The following STT3B variants were observed in gnomAD, a reference collection of about 807,000 sequenced individuals.
STT3B encodes the protein dolichyl-diphosphooligosaccharide--protein glycosyltransferase subunit STT3B.
In STT3B, 29 loss-of-function variants were observed where a neutral mutation model predicts 96.8. That is an observed-to-expected ratio of 0.30 (90% CI 0.22 to 0.41). STT3B has a LOEUF of 0.41. STT3B is among the 10% of genes least tolerant of loss of function. The pLI is 1.00. For missense variants in STT3B, 640 were observed against 1,022.3 expected (o/e 0.63, Z 5.10); for synonymous variants, 367 against 360.0 (o/e 1.02, Z -0.22).
In STT3B at chr3:31,625,032, A is replaced by G; in HGVS notation, c.1846A>G (p.Asn616Asp). ...DYGYQIAGMA[N>D]RTTLVDNNTW... ...TGGCTATCAGATAGCTGGAATGGCTAATAGAACTACGTTGGTGGATAATAA... is the reference window on the plus strand; with the variant it reads ...TGGCTATCAGATAGCTGGAATGGCTGATAGAACTACGTTGGTGGATAATAA... The change falls in exon 12 of 16, where the codon AAT becomes GAT. Residue 616 changes from asparagine (N) to aspartate (D), a missense_variant. Physicochemically the swap from Asn to Asp is conservative, Grantham distance 23. Transcript: ENST00000295770. 6.2e-7 allele frequency: 1 copy of G among 1,613,936 alleles called. No individual in the cohort carries two copies. Among genetic ancestry groups the G allele is most frequent in the Non-Finnish European group, 8.5e-7 (1 of 1,179,916 alleles).
chr3:31,621,604 T>A (rs1328779727), intron 9 of STT3B, among the ~76,000 whole-genome samples: 3 of 152,274 alleles, frequency 2.0e-5, no homozygotes, highest in East Asian at 1.9e-4. Flanking sequence ...GTTTCAAAAA[T>A]TTTTTTTAAG....
chr3:31,605,787 C>T (rs1162794057), intron 5 of STT3B, among the ~76,000 whole-genome samples: 2 of 152,094 alleles, frequency 1.3e-5, no homozygotes, highest in East Asian at 1.9e-4. Flanking sequence ...TGTGGAAGCA[C>T]CTTTGGAACT....
chr3:31,596,719 T>C (rs1698800227), intron 3 of STT3B, 79 bp from the exon 4 acceptor site: 1 of 1,113,126 alleles, frequency 9.0e-7, no homozygotes, highest in African/African-American at 1.6e-5. Flanking sequence ...AGCCTGTGGT[T>C]ACCAAACATT....
At chr3:31,633,565 G>T (rs1187782004) in intron 15 of STT3B, among the ~76,000 whole-genome samples, 2 of 152,062 alleles carry the variant, frequency 1.3e-5, no homozygotes, top group Non-Finnish European at 2.9e-5. Flanking sequence ...ATAGGTTTGG[G>T]TTGGGTGAGT....
intron 15 of STT3B, 158 bp downstream of exon 15, chr3:31,633,305 G>A: frequency 1.5e-6 from 1 of 685,948 alleles, no homozygotes; most frequent in East Asian, 2.8e-5. Flanking sequence ...CCTGCTAGGA[G>A]CATTCCTTTC....
chr3:31,533,428 G>T (rs1204582929), intron 1 of STT3B, 116 bp downstream of exon 1: 3 of 1,245,228 alleles, frequency 2.4e-6, no homozygotes, highest in Non-Finnish European at 3.0e-6. Context: ...CCCCGCTCGC[G>T]TCCTGGCTGA....
intron 2 of STT3B, among the ~76,000 whole-genome samples, chr3:31,578,707 TG>T (rs1355928968): frequency 3.9e-5 from 6 of 152,036 alleles, no homozygotes; most frequent in Non-Finnish European, 8.8e-5. Flanking sequence ...CTTCCATGCA[TG>T]CAGTAGGTAT....
intron 5 of STT3B, among the ~76,000 whole-genome samples, chr3:31,611,690 T>C (rs1405607513): frequency 6.6e-6 from 1 of 151,948 alleles, no homozygotes; most frequent in East Asian, 1.9e-4. Flanking sequence ...AGAGACGGGG[T>C]TTCTCCATGT....
chr3:31,553,484 A>T (rs1697621272), intron 1 of STT3B, among the ~76,000 whole-genome samples: 1 of 152,240 alleles, frequency 6.6e-6, no homozygotes, highest in Non-Finnish European at 1.5e-5. Flanking sequence ...AACATGTTAA[A>T]TGAAAGAAGC....
chr3:31,623,501 G>A (rs571743488), intron 10 of STT3B, among the ~76,000 whole-genome samples, 173 bp from the exon 11 acceptor site: 7 of 152,240 alleles, frequency 4.6e-5, no homozygotes, highest in Non-Finnish European at 1.0e-4. Flanking sequence ...CCTTATTCAC[G>A]TTTGACTTAG....
intron 5 of STT3B, among the ~76,000 whole-genome samples, chr3:31,610,394 G>A (rs2125469118): frequency 6.6e-6 from 1 of 152,278 alleles, no homozygotes; most frequent in East Asian, 1.9e-4. Context: ...TGGGAATATA[G>A]TATTTGCATA....
intron 3 of STT3B, among the ~76,000 whole-genome samples, chr3:31,580,822 G>A (rs1420190560): frequency 6.6e-6 from 1 of 151,528 alleles, no homozygotes; most frequent in Non-Finnish European, 1.5e-5. Flanking sequence ...TAAAAGAGAA[G>A]AAAGAAAAAT....
intron 1 of STT3B, among the ~76,000 whole-genome samples, chr3:31,545,933 A>G (rs940582884): frequency 2.0e-5 from 3 of 152,064 alleles, no homozygotes; most frequent in African/African-American, 7.2e-5. Flanking sequence ...CCCTGCTGTG[A>G]AAACAATATA....
chr3:31,572,945 A>ATAG (rs1698192687), intron 1 of STT3B, among the ~76,000 whole-genome samples: 2 of 152,174 alleles, frequency 1.3e-5, no homozygotes, highest in Non-Finnish European at 2.9e-5. Context: ...ATCTATTTGA[A>ATAG]TAGATATTAA....
At chr3:31,572,658 T>G (rs1024221527) in intron 1 of STT3B, among the ~76,000 whole-genome samples, 3 of 152,184 alleles carry the variant, frequency 2.0e-5, no homozygotes, top group Non-Finnish European at 4.4e-5. Context: ...GCCCAAGAGT[T>G]GGAGACCAGT....
chr3:31,534,677 A>G (rs1697040537), intron 1 of STT3B, among the ~76,000 whole-genome samples: 1 of 152,206 alleles, frequency 6.6e-6, no homozygotes, highest in African/African-American at 2.4e-5. Flanking sequence ...AAAAATTGGT[A>G]CTGCAACATC....
intron 13 of STT3B, 139 bp from the exon 14 acceptor site, chr3:31,629,159 A>AT (rs1403605954): frequency 1.6e-6 from 1 of 613,138 alleles, no homozygotes; most frequent in Non-Finnish European, 2.9e-6. Context: ...GGTGGGATTA[A>AT]TTTTTTTGAG....
In STT3B at chr3:31,579,920, G is replaced by A. The variant is rs773972695; in HGVS notation, c.535G>A (p.Gly179Ser). 5.6e-6 allele frequency: 9 copies of A among 1,613,732 alleles called. No individual in the cohort carries two copies. The highest frequency in any genetic ancestry group is 1.7e-4 in the Middle Eastern group (1 of 6,060). The change falls in exon 3 of 16, where the codon GGC becomes AGC. Residue 179 changes from glycine (G) to serine (S), a missense_variant. Coordinates refer to ENST00000295770, the MANE Select transcript of STT3B (RefSeq NM_178862.3). ...VCVFLAPTFS[G>S]LTSISTFLLT... is the part of the protein sequence containing the mutation. ...TGTGTTCCTTGCACCAACTTTTAGC[G>A]GCCTTACATCTATATCTACTTTCCT...
intron 1 of STT3B, among the ~76,000 whole-genome samples, chr3:31,557,255 C>T (rs1697742204): frequency 6.6e-6 from 1 of 152,152 alleles, no homozygotes; most frequent in Non-Finnish European, 1.5e-5. Flanking sequence ...TCTTTTTATA[C>T]TAAAACCATG....
Sources: gnomAD v4.1 joint callset for allele counts (sites outside exome capture counted in the v4.1 genomes callset) on GRCh38, gnomAD v4.1.1 for gene constraint, MANE v1.5 for transcripts, NCBI Gene and HGNC (gene_info 2026-07-23, HGNC 2026-07-21) for gene names.